Variants in CNBD1 observed in about 807,000 individuals in gnomAD.
CNBD1 encodes cyclic nucleotide-binding domain-containing protein 1.
CNBD1 carries 71 observed loss-of-function variants against 54.4 expected under a neutral mutation model. The ratio of observed to expected loss-of-function variants is 1.30; its 90% CI spans 1.08 to 1.59. The LOEUF is 1.59. Ranked by LOEUF, CNBD1 falls within the 40% of genes most tolerant of loss-of-function variation. The probability of loss-of-function intolerance (pLI) is 0.00; values close to 1 mark genes in which losing one functional copy is unlikely to be tolerated. For missense variants in CNBD1, 659 were observed against 518.0 expected (o/e 1.27, Z -2.64); for synonymous variants, 182 against 170.7 (o/e 1.07, Z -0.51).
chr8:87,083,643 C>A (rs548472676), intron 4 of CNBD1, among the ~76,000 whole-genome samples: 1 of 140,450 alleles, frequency 7.1e-6, no homozygotes, highest in Non-Finnish European at 1.5e-5. Flanking sequence ...GGCTGGAGTG[C>A]GGTGGCTGGA....
chr8:87,344,869 G>T (rs912264728), intron 8 of CNBD1, among the ~76,000 whole-genome samples: 1 of 152,092 alleles, frequency 6.6e-6, no homozygotes, highest in African/African-American at 2.4e-5. Flanking sequence ...TAGTTAGGCA[G>T]TGTTAGGATG....
At chr8:87,034,156 C>T (rs1809856251) in intron 4 of CNBD1, among the ~76,000 whole-genome samples, 1 of 152,198 alleles carries the variant, frequency 6.6e-6, no homozygotes, top group African/African-American at 2.4e-5. Flanking sequence ...AAATGTCAGG[C>T]AACTGCAGCT....
intron 4 of CNBD1, among the ~76,000 whole-genome samples, chr8:87,065,783 C>T (rs562175486): frequency 1.1e-4 from 17 of 152,040 alleles, no homozygotes; most frequent in Non-Finnish European, 2.4e-4. Flanking sequence ...TTTCTACCAG[C>T]CTTAGGAGAA....
downstream of CNBD1, among the ~76,000 whole-genome samples, chr8:87,385,498 G>A (rs529251080): frequency 4.4e-3 from 664 of 152,170 alleles, 4 homozygotes; most frequent in Middle Eastern, 0.031. Context: ...AGGGTCCTAC[G>A]CCCACGGATC....
intron 10 of CNBD1, among the ~76,000 whole-genome samples, chr8:87,367,988 C>A (rs990235590): frequency 6.6e-6 from 1 of 151,888 alleles, no homozygotes; most frequent in African/African-American, 2.4e-5. Flanking sequence ...ATGGTGAAAC[C>A]CAATCTTTCC....
intron 4 of CNBD1, among the ~76,000 whole-genome samples, chr8:87,080,415 C>T (rs1194978524): frequency 1.3e-5 from 2 of 151,962 alleles, no homozygotes; most frequent in Non-Finnish European, 2.9e-5. Flanking sequence ...AACCCCGTCT[C>T]TACTAATAAC....
At chr8:86,970,214 T>G (rs1447786745) in intron 4 of CNBD1, among the ~76,000 whole-genome samples, 4 of 152,210 alleles carry the variant, frequency 2.6e-5, no homozygotes, top group African/African-American at 9.6e-5. Flanking sequence ...TTTGAAAAAT[T>G]CTTAACCATT....
At position 87,353,697 on chromosome 8, in the gene CNBD1, T is replaced by C. The variant is rs186699266; in HGVS notation, c.1214T>C (p.Ile405Thr). ...KLKEKESFGE[I>T]SVLLQVPFTC... ...AAGGAGAAGGAGTCCTTTGGTGAGA[T>C]TAGCGTCCTTCTTCAAGTTCCTTTC... The change falls in exon 10 of 11, where the codon ATT (isoleucine) becomes ACT (threonine). Residue 405 changes from isoleucine (I) to threonine (T), a missense_variant. Physicochemically the swap from Ile to Thr is moderately conservative, Grantham distance 89. Transcript: ENST00000518476. 244 of 1,610,248 alleles carry C rather than the reference T, an allele frequency of 1.5e-4. 1 individual carries two copies. Among genetic ancestry groups the C allele is most frequent in the Non-Finnish European group, 1.8e-4 (215 of 1,177,470 alleles).
intron 2 of CNBD1, among the ~76,000 whole-genome samples, chr8:87,399,825 G>A (rs1034080395): frequency 6.6e-6 from 1 of 151,934 alleles, no homozygotes; most frequent in Non-Finnish European, 1.5e-5. Flanking sequence ...GTATTTCAAT[G>A]TTTTAACTGG....
chr8:87,315,867 A>G (rs1391393489), intron 8 of CNBD1, among the ~76,000 whole-genome samples: 2 of 152,094 alleles, frequency 1.3e-5, no homozygotes, highest in African/African-American at 4.8e-5. Flanking sequence ...GAATGTTCCA[A>G]TCACAAAAAA....
chr8:87,139,138 T>C (rs1812321248), intron 4 of CNBD1, among the ~76,000 whole-genome samples: 1 of 152,206 alleles, frequency 6.6e-6, no homozygotes, highest in African/African-American at 2.4e-5. Context: ...ATCCCTGCAA[T>C]TCCTTTGTTT....
At chr8:87,323,641 T>A (rs908459564) in intron 8 of CNBD1, among the ~76,000 whole-genome samples, 1 of 134,002 alleles carries the variant, frequency 7.5e-6, no homozygotes, top group South Asian at 2.3e-4. Flanking sequence ...GTGATTTTTG[T>A]ACATTGATTT....
chr8:86,944,288 T>C (rs1807413560), intron 4 of CNBD1, among the ~76,000 whole-genome samples: 1 of 152,236 alleles, frequency 6.6e-6, no homozygotes. Flanking sequence ...CTCCTCTATG[T>C]TTCTGTCAGT....
At chr8:87,025,161 CACCA>C (rs1809609995) in intron 4 of CNBD1, among the ~76,000 whole-genome samples, 1 of 151,952 alleles carries the variant, frequency 6.6e-6, no homozygotes, top group African/African-American at 2.4e-5. Flanking sequence ...ATTGTAAACG[CACCA>C]ATCAGCACTC....
chr8:87,155,851 A>G (rs926160661), intron 4 of CNBD1, among the ~76,000 whole-genome samples: 7 of 152,180 alleles, frequency 4.6e-5, no homozygotes, highest in African/African-American at 1.7e-4. Context: ...CCCAGTATCA[A>G]TACTGAATAC....
chr8:87,094,251 C>T (rs1156435206), intron 4 of CNBD1, among the ~76,000 whole-genome samples: 1 of 151,912 alleles, frequency 6.6e-6, no homozygotes, highest in African/African-American at 2.4e-5. Flanking sequence ...GCAGCTGGTA[C>T]AATTAGAGGG....
At chr8:87,126,407 C>A (rs1005866233) in intron 4 of CNBD1, among the ~76,000 whole-genome samples, 1 of 151,978 alleles carries the variant, frequency 6.6e-6, no homozygotes, top group Non-Finnish European at 1.5e-5. Flanking sequence ...TGGTGTTGAG[C>A]ATCTTTCAGT....
intron 3 of CNBD1, among the ~76,000 whole-genome samples, chr8:86,908,943 C>T (rs541330749): frequency 1.3e-4 from 19 of 151,934 alleles, no homozygotes; most frequent in Middle Eastern, 3.4e-3. Flanking sequence ...TTTTTAGTAG[C>T]GACGAGGTTT....
At chr8:87,036,858 C>T (rs947266114) in intron 4 of CNBD1, among the ~76,000 whole-genome samples, 1 of 152,138 alleles carries the variant, frequency 6.6e-6, no homozygotes, top group Non-Finnish European at 1.5e-5. Context: ...TTATTCTACA[C>T]TAGATGTTCT....
Sources: gnomAD v4.1 joint callset for allele counts (sites outside exome capture counted in the v4.1 genomes callset) on GRCh38, gnomAD v4.1.1 for gene constraint, MANE v1.5 for transcripts, NCBI Gene and HGNC (gene_info 2026-07-23, HGNC 2026-07-21) for gene names.